Variants in ADAM2 observed in about 807,000 individuals in gnomAD.
ADAM2 encodes ADAM metallopeptidase domain 2, also known as disintegrin and metalloproteinase domain-containing protein 2.
ADAM2 carries 101 observed loss-of-function variants against 99.3 expected under a neutral mutation model. That is an observed-to-expected ratio of 1.02 (90% confidence interval 0.87 to 1.20). The LOEUF is 1.20. Among genes scored for constraint, ADAM2 ranks in the 50% most tolerant of loss-of-function variants. ADAM2 has a pLI of 0.00. For missense variants in ADAM2, 948 were observed against 878.7 expected (o/e 1.08, Z -1.00); for synonymous variants, 323 against 287.6 (o/e 1.12, Z -1.25).
intron 3 of ADAM2, among the ~76,000 whole-genome samples, chr8:39,830,900 A>C (rs545522020): frequency 6.6e-6 from 1 of 152,316 alleles, no homozygotes; most frequent in South Asian, 2.1e-4. Context: ...TGATCAGGCC[A>C]CAAGGCTGGA....
chr8:39,774,446 T>C (rs117685691), intron 11 of ADAM2, among the ~76,000 whole-genome samples: 2,766 of 152,162 alleles, frequency 0.018, 32 homozygotes, highest in Non-Finnish European at 0.03. Flanking sequence ...AATATGTTAG[T>C]GTAGCAAAGC....
intron 6 of ADAM2, among the ~76,000 whole-genome samples, chr8:39,814,873 T>C (rs187919939): frequency 1.6e-4 from 24 of 151,186 alleles, no homozygotes; most frequent in Non-Finnish European, 3.1e-4. Flanking sequence ...TATGTGATGA[T>C]AACAAGCTCA....
intron 20 of ADAM2, among the ~76,000 whole-genome samples, chr8:39,744,451 TA>T (rs1384598884): frequency 1.3e-5 from 2 of 151,906 alleles, no homozygotes; most frequent in East Asian, 3.8e-4. Flanking sequence ...CCCCCATCCT[TA>T]AAATATTTGG....
intron 7 of ADAM2, among the ~76,000 whole-genome samples, chr8:39,802,927 C>T (rs938348852): frequency 2.6e-5 from 4 of 152,066 alleles, no homozygotes; most frequent in Non-Finnish European, 5.9e-5. Flanking sequence ...CCTCTATAAC[C>T]AAGAATTATG....
At chr8:39,812,221 A>T (rs1012155371) in intron 6 of ADAM2, among the ~76,000 whole-genome samples, 1 of 152,076 alleles carries the variant, frequency 6.6e-6, no homozygotes, top group Non-Finnish European at 1.5e-5. Context: ...CTTACCAGGG[A>T]TGTGAAGGAC....
At chr8:39,775,925 A>T (rs527901808) in intron 11 of ADAM2, among the ~76,000 whole-genome samples, 2 of 152,188 alleles carry the variant, frequency 1.3e-5, no homozygotes, top group Admixed American at 6.6e-5. Context: ...TATTTCCTAG[A>T]TGCATGCTCA....
intron 6 of ADAM2, among the ~76,000 whole-genome samples, chr8:39,812,008 T>G (rs1011897291): frequency 6.6e-6 from 1 of 152,330 alleles, no homozygotes; most frequent in East Asian, 1.9e-4. Flanking sequence ...GCAGATGACA[T>G]GATTGTATAT....
rs1802686694 is a variant in ADAM2 at position 39,769,336 on chromosome 8, T to G, written c.1212+56A>C. On this transcript the variant is annotated intron_variant, in intron 12 of 20. Coordinates refer to ENST00000265708, the MANE Select transcript of ADAM2 (RefSeq NM_001464.5). Reference sequence around the variant, plus strand: ...GGAAAATGGCAGTTTCTCACTCGAATTAATAAGTAATTTTTGCTGCAATTT... The same window carrying G: ...GGAAAATGGCAGTTTCTCACTCGAAGTAATAAGTAATTTTTGCTGCAATTT... 3 of 1,388,180 alleles carry G rather than the reference T, an allele frequency of 2.2e-6. No individual in the cohort carries two copies. The African/African-American group carries it at 4.3e-5, about 20-fold the overall frequency. The allele number at this position is 1,388,180 out of a possible 1,614,324, so 86.0% of individuals were successfully genotyped here.
intron 7 of ADAM2, among the ~76,000 whole-genome samples, chr8:39,800,774 G>T (rs1429203597): frequency 2.0e-5 from 3 of 151,980 alleles, no homozygotes; most frequent in Non-Finnish European, 4.4e-5. Context: ...TCAGTAAGGT[G>T]GTCTTCAAAC....
intron 7 of ADAM2, among the ~76,000 whole-genome samples, chr8:39,792,272 A>G (rs915361699): frequency 6.6e-6 from 1 of 152,048 alleles, no homozygotes; most frequent in African/African-American, 2.4e-5. Flanking sequence ...ATTTAGAATT[A>G]CAATGGCTTT....
chr8:39,834,080 A>C, intron 2 of ADAM2, 81 bp from the exon 3 acceptor site: 1 of 735,214 alleles, frequency 1.4e-6, no homozygotes, highest in Non-Finnish European at 2.3e-6. Context: ...CATTAATGAT[A>C]ATTGCATTCT....
At chr8:39,808,884 C>G (rs1804570686) in intron 7 of ADAM2, among the ~76,000 whole-genome samples, 1 of 152,042 alleles carries the variant, frequency 6.6e-6, no homozygotes, top group Non-Finnish European at 1.5e-5. Flanking sequence ...CCATTGCACT[C>G]CAGCCTGTGG....
intron 10 of ADAM2, among the ~76,000 whole-genome samples, chr8:39,781,179 A>G (rs1355059739): frequency 6.6e-6 from 1 of 152,070 alleles, no homozygotes; most frequent in African/African-American, 2.4e-5. Flanking sequence ...ATGTGTAGTT[A>G]TGTACCCATA....
intron 16 of ADAM2, among the ~76,000 whole-genome samples, chr8:39,753,555 C>A (rs1254015780): frequency 6.6e-6 from 1 of 152,140 alleles, no homozygotes; most frequent in Non-Finnish European, 1.5e-5. Context: ...CAGAGACTTT[C>A]ATGGTAGCCC....
chr8:39,788,591 C>A, intron 8 of ADAM2, 78 bp downstream of exon 8: 1 of 983,094 alleles, frequency 1.0e-6, no homozygotes, highest in East Asian at 2.7e-5. Context: ...CGTGTGGATT[C>A]ATGTAGTGTC....
chr8:39,826,915 A>C (rs1805432282), intron 3 of ADAM2, among the ~76,000 whole-genome samples: 1 of 152,046 alleles, frequency 6.6e-6, no homozygotes, highest in South Asian at 2.1e-4. Context: ...AGTACACAAA[A>C]TTTAGAAGCT....
chr8:39,791,989 T>C (rs1489028074), intron 7 of ADAM2, among the ~76,000 whole-genome samples: 1 of 151,980 alleles, frequency 6.6e-6, no homozygotes, highest in Non-Finnish European at 1.5e-5. Context: ...TTGACACTAG[T>C]GCACTTGCCA....
chr8:39,831,843 A>C (rs1805630282), intron 3 of ADAM2, among the ~76,000 whole-genome samples: 2 of 152,184 alleles, frequency 1.3e-5, no homozygotes. Context: ...ACTAAAATTT[A>C]TATTAAGAGG....
chr8:39,765,776 C>T lies in ADAM2; in HGVS notation c.1507+1072G>A, dbSNP rs952543059. Among the ~76,000 whole-genome samples the T allele has an allele frequency of 3.9e-5, 6 of 152,186 alleles. No individual in the cohort carries two copies. In the South Asian group the frequency reaches 1.2e-3, roughly 31 times the overall value. ...TTTGTTTTGTTTTTCTTCAAACCAA[C>T]AGTCATTCCTAATTTTATGTTCATT... On this transcript the variant is annotated intron_variant, in intron 14 of 20. Transcript: ENST00000265708.
Sources: allele counts gnomAD v4.1 joint callset (sites outside exome capture counted in the v4.1 genomes callset), GRCh38; gene constraint gnomAD v4.1.1; transcripts MANE v1.5; gene names NCBI Gene and HGNC (gene_info 2026-07-23, HGNC 2026-07-21).